The following LIPH variants were observed in gnomAD, a reference collection of about 807,000 sequenced individuals.
The protein encoded by LIPH is lipase member H.
In LIPH, 32 loss-of-function variants were observed where a neutral mutation model predicts 47.6. That is an observed-to-expected ratio of 0.67 (90% CI 0.51 to 0.90). The LOEUF (loss-of-function observed/expected upper bound fraction) is 0.90, where lower values mean the gene tolerates loss of function less well. LIPH is among the 40% of genes least tolerant of loss of function. LIPH has a pLI of 0.00. For missense variants in LIPH, 497 were observed against 541.4 expected (o/e 0.92, Z 0.81); for synonymous variants, 190 against 195.6 (o/e 0.97, Z 0.24).
At chr3:185,510,771 G>T (rs1258993040) in intron 9 of LIPH, among the ~76,000 whole-genome samples, 1 of 152,164 alleles carries the variant, frequency 6.6e-6, no homozygotes, top group Admixed American at 6.6e-5. Flanking sequence ...TTAGCTGGGT[G>T]TGGTGGACGT....
chr3:185,546,707 A>C (rs1331268713), intron 1 of LIPH, among the ~76,000 whole-genome samples: 1 of 152,180 alleles, frequency 6.6e-6, no homozygotes, highest in East Asian at 1.9e-4. Context: ...CCTGTGGCAG[A>C]AGGTGGCTTG....
intron 4 of LIPH, among the ~76,000 whole-genome samples, chr3:185,526,526 T>TAATAA (rs202217231): frequency 0.032 from 3,930 of 122,548 alleles, 85 homozygotes; most frequent in Middle Eastern, 0.078. Flanking sequence ...CGTCTCAAAA[T>TAATAA]AATAAAATAA....
chr3:185,527,621 C>A (rs1483692931), intron 3 of LIPH, 36 bp from the exon 4 acceptor site: 2 of 1,302,908 alleles, frequency 1.5e-6, no homozygotes. Flanking sequence ...CAGCCCCACA[C>A]CATGAGTCAC....
Position 185,520,517 on chromosome 3 carries a change from A to C in LIPH, c.719-1208T>G, listed in dbSNP as rs559196065. On this transcript the variant is annotated intron_variant, in intron 5 of 9. Coordinates refer to ENST00000296252, the MANE Select transcript of LIPH (RefSeq NM_139248.3). ...GGGCGATAGAGCAAGACTCCATCCCAAAAAAAAAGAAAAAAAAAAGCAAAT... is the reference window on the plus strand; with the variant it reads ...GGGCGATAGAGCAAGACTCCATCCCCAAAAAAAAGAAAAAAAAAAGCAAAT... Among the ~76,000 whole-genome samples the C allele has an allele frequency of 1.5e-4, 23 of 151,330 alleles. No homozygotes were observed. The East Asian group carries it at 3.3e-3, about 22-fold the overall frequency.
chr3:185,517,240 T>C, intron 6 of LIPH, 78 bp from the exon 7 acceptor site: 3 of 807,166 alleles, frequency 3.7e-6, no homozygotes, highest in Non-Finnish European at 4.4e-6. Flanking sequence ...GCAAGAACAT[T>C]GAGTTTGACT....
intron 7 of LIPH, 21 bp from the exon 8 acceptor site, chr3:185,514,542 A>G (rs1226826819): frequency 2.2e-6 from 2 of 913,254 alleles, no homozygotes; most frequent in Non-Finnish European, 3.7e-6. Context: ...GAGAGAGAAC[A>G]CGGTAAGAGA....
intron 8 of LIPH, 52 bp downstream of exon 8, chr3:185,514,358 C>G (rs1577664594): frequency 1.2e-6 from 1 of 825,600 alleles, no homozygotes; most frequent in African/African-American, 1.7e-5. Context: ...GATTTAATTT[C>G]TCTGAGCAAA....
chr3:185,546,397 A>C (rs1460643130), intron 1 of LIPH, among the ~76,000 whole-genome samples: 4 of 151,260 alleles, frequency 2.6e-5, no homozygotes, highest in Non-Finnish European at 4.4e-5. Context: ...ATGGTGGTGC[A>C]GGCCTATATA....
intron 1 of LIPH, among the ~76,000 whole-genome samples, chr3:185,550,188 C>T (rs1721009684): frequency 1.3e-5 from 2 of 152,272 alleles, no homozygotes; most frequent in South Asian, 2.1e-4. Context: ...ATAATGTCTG[C>T]TACCAGATGA....
intron 5 of LIPH, among the ~76,000 whole-genome samples, chr3:185,521,523 G>A (rs1205188725): frequency 6.6e-6 from 1 of 152,166 alleles, no homozygotes; most frequent in Non-Finnish European, 1.5e-5. Flanking sequence ...AAACTCAAGA[G>A]CAAGAGTCAT....
chr3:185,528,640 G>T (rs1011248849), intron 3 of LIPH, among the ~76,000 whole-genome samples: 2 of 152,100 alleles, frequency 1.3e-5, no homozygotes, highest in Non-Finnish European at 2.9e-5. Context: ...TAGCAAGCTC[G>T]GCAGGAGAGG....
intron 9 of LIPH, 78 bp downstream of exon 9, chr3:185,511,446 A>G: frequency 7.5e-7 from 1 of 1,337,342 alleles, no homozygotes; most frequent in East Asian, 2.3e-5. Context: ...TTATTAACAC[A>G]TCAGACCAAG....
chr3:185,537,799 T>A (rs1720548815), intron 1 of LIPH, among the ~76,000 whole-genome samples: 1 of 152,132 alleles, frequency 6.6e-6, no homozygotes. Flanking sequence ...GAGGATTGTT[T>A]AATTGTCTGG....
intron 3 of LIPH, among the ~76,000 whole-genome samples, chr3:185,531,976 A>AG (rs1720344408): frequency 6.7e-6 from 1 of 150,302 alleles, no homozygotes; most frequent in Non-Finnish European, 1.5e-5. Context: ...AAGTGCTGGG[A>AG]TTACAGGCAT....
intron 1 of LIPH, among the ~76,000 whole-genome samples, chr3:185,546,245 G>A (rs138292305): frequency 0.017 from 2,637 of 151,972 alleles, 87 homozygotes; most frequent in African/African-American, 0.061. Flanking sequence ...CCAGCTACTC[G>A]GGAGGCTGAG....
In LIPH at chr3:185,508,544, A is replaced by C. The variant is rs1225867632; in HGVS notation, c.*246T>G. 2.0e-6 allele frequency: 1 copy of C among 512,168 alleles called. No individual in the cohort carries two copies. Among genetic ancestry groups the C allele is most frequent in the African/African-American group, 1.9e-5 (1 of 51,864 alleles). 31.7% of individuals were successfully genotyped at this position (512,168 alleles called of 1,614,324 possible). The stretch of plus-strand genomic sequence containing the variant: ...CAAGGGAGGCCCCAGGACACAGCAG[A>C]CACAGCGCTGCGCTGCTGCGAGCCT... On this transcript the variant is annotated 3_prime_UTR_variant, in exon 10 of 10. Transcript: ENST00000296252.
chr3:185,531,744 G>C (rs563592544), intron 3 of LIPH, among the ~76,000 whole-genome samples: 185 of 152,102 alleles, frequency 1.2e-3, no homozygotes, highest in African/African-American at 3.5e-3. Flanking sequence ...TAAATAGATG[G>C]CTCCTGAATC....
intron 4 of LIPH, among the ~76,000 whole-genome samples, chr3:185,527,006 G>A (rs1411048103): frequency 6.6e-6 from 1 of 152,250 alleles, no homozygotes; most frequent in East Asian, 1.9e-4. Flanking sequence ...TTGGGAGGCC[G>A]AGGCGGGCGG....
intron 4 of LIPH, among the ~76,000 whole-genome samples, chr3:185,526,605 T>TA (rs58054145): frequency 3.5e-5 from 2 of 57,500 alleles, no homozygotes; most frequent in Admixed American, 1.9e-4. Context: ...TAAAATAAAA[T>TA]AAAAAATAAA....
Sources: gnomAD v4.1 joint callset for allele counts (sites outside exome capture counted in the v4.1 genomes callset) on GRCh38, gnomAD v4.1.1 for gene constraint, MANE v1.5 for transcripts, NCBI Gene and HGNC (gene_info 2026-07-23, HGNC 2026-07-21) for gene names.